The following STK32A variants were observed in gnomAD, a reference collection of about 807,000 sequenced individuals.
STK32A encodes serine/threonine kinase 32A, also known as serine/threonine-protein kinase 32A.
STK32A carries 41 observed loss-of-function variants against 53.2 expected under a neutral mutation model. The observed-to-expected ratio is 0.77, with a 90% CI of 0.60 to 1.00. The LOEUF (loss-of-function observed/expected upper bound fraction) is 1.00. Among genes scored for constraint, STK32A ranks in the 50% least tolerant of loss-of-function variants. The pLI, the probability that STK32A is intolerant of heterozygous loss-of-function variation, is 0.00. For missense variants in STK32A, 458 were observed against 485.8 expected, an observed-to-expected ratio of 0.94 and a Z score of 0.54; for synonymous variants, 166 against 162.8, an observed-to-expected ratio of 1.02 and a Z score of -0.15.
chr5:147,386,880 A>G lies in STK32A; in HGVS notation c.*2897A>G, dbSNP rs529036118. The stretch of plus-strand genomic sequence containing the variant: ...AAACTTTTCCTAAATCTTTGTGGTC[A>G]TTGCTAGTTGTTGACATCAGATCCT... On this transcript the variant is annotated 3_prime_UTR_variant, in exon 13 of 13. Coordinates refer to ENST00000397936, the MANE Select transcript of STK32A (RefSeq NM_001112724.2). The G allele has an allele frequency of 2.6e-5, 4 of 152,356 alleles. No individual in the cohort carries two copies. The highest frequency in any genetic ancestry group is 5.9e-5 in the Non-Finnish European group (4 of 68,032). 9.4% of individuals were successfully genotyped at this position (152,356 alleles called of 1,614,324 possible).
chr5:147,307,730 A>C (rs182494666), intron 4 of STK32A, among the ~76,000 whole-genome samples: 3 of 151,772 alleles, frequency 2.0e-5, no homozygotes, highest in Non-Finnish European at 4.4e-5. Context: ...TTAGATCTAC[A>C]GTCTAGGATC....
At chr5:147,354,097 C>T (rs970018872) in intron 7 of STK32A, among the ~76,000 whole-genome samples, 2 of 151,866 alleles carry the variant, frequency 1.3e-5, no homozygotes, top group African/African-American at 4.8e-5. Flanking sequence ...AAAAAATGAG[C>T]CTTATTTTCT....
At chr5:147,313,937 G>A (rs1437090037) in intron 4 of STK32A, among the ~76,000 whole-genome samples, 3 of 151,696 alleles carry the variant, frequency 2.0e-5, no homozygotes, top group Non-Finnish European at 4.4e-5. Context: ...GGAAAACAGA[G>A]GTAAATATAA....
At chr5:147,397,997 A>C in the STK32A span, 2 of 727,910 alleles carry the variant, frequency 2.7e-6, no homozygotes, top group Non-Finnish European at 4.2e-6. Flanking sequence ...AGTGGGTAGA[A>C]GGCACCGGAG....
intron 6 of STK32A, 87 bp from the exon 7 acceptor site, chr5:147,350,978 C>T (rs1194989267): frequency 9.1e-7 from 1 of 1,099,338 alleles, no homozygotes; most frequent in Admixed American, 1.9e-5. Flanking sequence ...AATTAACAGA[C>T]TAATTGGGTG....
At chr5:147,243,487 C>G (rs1336315561) in intron 2 of STK32A, among the ~76,000 whole-genome samples, 2 of 60,468 alleles carry the variant, frequency 3.3e-5, no homozygotes, top group African/African-American at 1.2e-4. Flanking sequence ...GCCTGTAATC[C>G]CAGCACTTCA....
intron 4 of STK32A, among the ~76,000 whole-genome samples, chr5:147,307,853 A>G (rs976060025): frequency 6.6e-6 from 1 of 152,050 alleles, no homozygotes; most frequent in Non-Finnish European, 1.5e-5. Context: ...TCAAGTCACC[A>G]TCTATGTATG....
At position 147,315,699 on chromosome 5, in the gene STK32A, C is replaced by T. The variant is rs373539787; in HGVS notation, c.261-8199C>T. Among the ~76,000 whole-genome samples the T allele has an allele frequency of 1.9e-3, 295 of 152,148 alleles. 1 individual carries two copies. In the South Asian group the frequency reaches 0.023, roughly 12 times the overall value. ...ACGTACATAGTGCCACTGAATTGTA[C>T]TTAAAGTGGTTAAAATGATAAATTA... is the stretch of plus-strand genomic sequence containing the variant. On this transcript the variant is annotated intron_variant, in intron 4 of 12. Coordinates refer to ENST00000397936, the MANE Select transcript of STK32A (RefSeq NM_001112724.2).
chr5:147,382,161 C>T (rs1021395461), intron 11 of STK32A, among the ~76,000 whole-genome samples: 3 of 152,174 alleles, frequency 2.0e-5, no homozygotes, highest in Admixed American at 6.5e-5. Context: ...TTTCCACTGT[C>T]CTGTCATCAA....
chr5:147,364,452 T>A (rs1197707575), intron 8 of STK32A, among the ~76,000 whole-genome samples: 2 of 152,172 alleles, frequency 1.3e-5, no homozygotes, highest in African/African-American at 4.8e-5. Context: ...TCCAGCTCAA[T>A]AACTAGTTCC....
intron 4 of STK32A, among the ~76,000 whole-genome samples, chr5:147,282,477 C>T (rs1752111545): frequency 6.6e-6 from 1 of 152,250 alleles, no homozygotes; most frequent in East Asian, 1.9e-4. Flanking sequence ...CTAAATGCTC[C>T]ACTTAAAAGA....
intron 2 of STK32A, among the ~76,000 whole-genome samples, chr5:147,255,067 G>A (rs1045457472): frequency 1.3e-5 from 2 of 152,156 alleles, no homozygotes; most frequent in African/African-American, 4.8e-5. Flanking sequence ...ATGAACCCAG[G>A]AGGCGGAGCT....
At chr5:147,343,571 A>G (rs1755543927) in intron 6 of STK32A, among the ~76,000 whole-genome samples, 1 of 152,242 alleles carries the variant, frequency 6.6e-6, no homozygotes, top group Non-Finnish European at 1.5e-5. Context: ...GGGTCATTGT[A>G]AAGACTGACC....
At chr5:147,247,325 C>T (rs961764764) in intron 2 of STK32A, among the ~76,000 whole-genome samples, 1 of 152,106 alleles carries the variant, frequency 6.6e-6, no homozygotes, top group Admixed American at 6.5e-5. Context: ...ATGGAAGTTT[C>T]GTTTGGAAAC....
chr5:147,270,018 T>C (rs577134306), intron 2 of STK32A, among the ~76,000 whole-genome samples: 72 of 152,316 alleles, frequency 4.7e-4, no homozygotes, highest in Admixed American at 9.8e-4. Context: ...TCTAAGGTTA[T>C]ATGCTAGAAA....
chr5:147,277,036 T>A (rs1304242815), intron 2 of STK32A, among the ~76,000 whole-genome samples: 1 of 152,236 alleles, frequency 6.6e-6, no homozygotes, highest in Non-Finnish European at 1.5e-5. Context: ...TTAAAATGTT[T>A]GACTCTCAGA....
At chr5:147,246,791 G>C (rs966839870) in intron 2 of STK32A, among the ~76,000 whole-genome samples, 7 of 152,128 alleles carry the variant, frequency 4.6e-5, no homozygotes, top group African/African-American at 1.7e-4. Flanking sequence ...TTCCTTACAA[G>C]TTTTTATGTT....
chr5:147,259,216 G>A (rs985097371), intron 2 of STK32A, among the ~76,000 whole-genome samples: 6 of 152,128 alleles, frequency 3.9e-5, no homozygotes. Context: ...TTTTCAGTTA[G>A]TAAGCTACAT....
intron 5 of STK32A, among the ~76,000 whole-genome samples, chr5:147,330,999 T>A (rs866547202): frequency 6.6e-6 from 1 of 152,236 alleles, no homozygotes; most frequent in Admixed American, 6.5e-5. Context: ...AGCAGTCACA[T>A]TTTATTTTCT....
Sources: gnomAD v4.1 joint callset for allele counts (sites outside exome capture counted in the v4.1 genomes callset) on GRCh38, gnomAD v4.1.1 for gene constraint, MANE v1.5 for transcripts, NCBI Gene and HGNC (gene_info 2026-07-23, HGNC 2026-07-21) for gene names.